DNM2: variants seen among roughly 807,000 people sequenced by gnomAD.
DNM2 encodes dynamin-2.
DNM2 carries 15 observed loss-of-function variants against 99.0 expected under a neutral mutation model. The ratio of observed to expected loss-of-function variants is 0.15; its 90% confidence interval spans 0.10 to 0.23. The LOEUF (loss-of-function observed/expected upper bound fraction) is 0.23. Ranked by LOEUF, DNM2 falls within the 10% of genes least tolerant of loss-of-function variation. The pLI is 1.00. For missense variants in DNM2, 742 were observed against 1,189.4 expected (o/e 0.62, Z 5.53); for synonymous variants, 525 against 481.2 (o/e 1.09, Z -1.19).
At chr19:10,728,905 C>T (rs1050894405) in intron 1 of DNM2, among the ~76,000 whole-genome samples, 2 of 151,468 alleles carry the variant, frequency 1.3e-5, no homozygotes, top group African/African-American at 2.4e-5. Flanking sequence ...TATGATTGCA[C>T]CACTGCGCTC....
At chr19:10,825,250 G>A in intron 18 of DNM2, 29 bp downstream of exon 18, 1 of 1,612,618 alleles carries the variant, frequency 6.2e-7, no homozygotes, top group African/African-American at 1.3e-5. Flanking sequence ...ATGAGAAGGA[G>A]GTAGCTGGGT....
chr19:10,720,713 G>A (rs1391459380), intron 1 of DNM2, among the ~76,000 whole-genome samples: 5 of 152,090 alleles, frequency 3.3e-5, no homozygotes, highest in Admixed American at 2.0e-4. Context: ...CTGGGTGACA[G>A]AACCAGATCC....
rs1198811984 is a variant in DNM2 at position 10,765,411 on chromosome 19, A to T, written c.235+5600A>T. Among the ~76,000 whole-genome samples, 1 of 152,068 alleles carries T rather than the reference A, an allele frequency of 6.6e-6. No individual in the cohort carries two copies. Among genetic ancestry groups the T allele is most frequent in the African/African-American group, 2.4e-5 (1 of 41,402 alleles). Reference sequence around the variant, plus strand: ...GCTGGTGCTGTGCCCCTTCTTGCCTACTGGGCGGGAAGTGATGGGGGTTAC... The same window carrying T: ...GCTGGTGCTGTGCCCCTTCTTGCCTTCTGGGCGGGAAGTGATGGGGGTTAC... On this transcript the variant is annotated intron_variant, in intron 2 of 20. Coordinates refer to ENST00000389253, the MANE Select transcript of DNM2 (RefSeq NM_001005361.3). This position sits in a 1 kb window ranked among gnomAD's most constrained non-coding sequence, Gnocchi z 4.4.
intron 19 of DNM2, 142 bp from the exon 20 acceptor site, chr19:10,829,985 C>G: frequency 1.6e-6 from 2 of 1,278,776 alleles, no homozygotes; most frequent in Non-Finnish European, 2.3e-6. Context: ...GGGACTGGCG[C>G]TCAGGTTGGG....
At chr19:10,801,632 C>T (rs958416794) in intron 11 of DNM2, among the ~76,000 whole-genome samples, 4 of 141,152 alleles carry the variant, frequency 2.8e-5, no homozygotes, top group African/African-American at 5.3e-5. Context: ...AAAAGCCAGG[C>T]GCAGTGGCTC....
At position 10,795,602 on chromosome 19, in the gene DNM2, C is replaced by A; in HGVS notation, c.1196+163C>A. On this transcript the variant is annotated intron_variant, in intron 9 of 20. Coordinates refer to ENST00000389253, the MANE Select transcript of DNM2 (RefSeq NM_001005361.3). The surrounding 1 kb of genome is among the most constrained non-coding windows in gnomAD (Gnocchi z 4.2). ...GCCCCTCCCTGAGGGTCTCCAAGGGCACATGAGGGTGGATGTGTCTTAGTC... is the reference window on the plus strand; with the variant it reads ...GCCCCTCCCTGAGGGTCTCCAAGGGAACATGAGGGTGGATGTGTCTTAGTC... 1.3e-6 allele frequency: 1 copy of A among 748,062 alleles called. No individual in the cohort carries two copies. The highest frequency in any genetic ancestry group is 2.3e-6 in the Non-Finnish European group (1 of 435,376). 46.3% of individuals were successfully genotyped at this position (748,062 alleles called of 1,614,324 possible).
chr19:10,776,930 A>G (rs2071175911), intron 4 of DNM2, among the ~76,000 whole-genome samples, 188 bp from the exon 5 acceptor site: 1 of 152,214 alleles, frequency 6.6e-6, no homozygotes, highest in Non-Finnish European at 1.5e-5. Flanking sequence ...CCACCCTGTG[A>G]GATCAGGGCT....
intron 2 of DNM2, 50 bp downstream of exon 2, chr19:10,759,861 G>T: frequency 2.5e-6 from 4 of 1,610,934 alleles, no homozygotes; most frequent in Non-Finnish European, 3.4e-6. Context: ...TGGATGTGTG[G>T]TTGCCAGGAG....
intron 13 of DNM2, among the ~76,000 whole-genome samples, chr19:10,807,684 G>A (rs1272052295): frequency 2.0e-5 from 3 of 146,590 alleles, no homozygotes; most frequent in Admixed American, 6.9e-5. Flanking sequence ...GAGTAGCGAC[G>A]ATTACAGGAG....
chr19:10,830,402 AC>A lies in DNM2; in HGVS notation c.2543+28del, dbSNP rs1015038118. 1.9e-6 allele frequency: 3 copies of A among 1,601,496 alleles called. No individual in the cohort carries two copies. Among genetic ancestry groups the A allele is most frequent in the Non-Finnish European group, 2.5e-6 (3 of 1,177,042 alleles). On this transcript the variant is annotated intron_variant, in intron 20 of 20. Coordinates refer to ENST00000389253, the MANE Select transcript of DNM2 (RefSeq NM_001005361.3). This position sits in a 1 kb window ranked among gnomAD's most constrained non-coding sequence, Gnocchi z 4.8. ...AGGTAAGGCCAACCCCCTGCCCTCC[AC>A]CCCAACTGCCTGCACCCTGGGGTCT...
chr19:10,799,218 C>A (rs2072044199), intron 11 of DNM2, among the ~76,000 whole-genome samples: 1 of 152,110 alleles, frequency 6.6e-6, no homozygotes, highest in Admixed American at 6.6e-5. Context: ...CAGAGCGAGA[C>A]CCCGTCTCTT....
chr19:10,805,852 C>T (rs779832670), intron 12 of DNM2, 64 bp from the exon 13 acceptor site: 17 of 1,609,680 alleles, frequency 1.1e-5, no homozygotes, highest in Non-Finnish European at 1.4e-5. Flanking sequence ...GCCACATTCG[C>T]CTCTTCCCCT....
rs372102058 is a variant in DNM2 at position 10,796,598 on chromosome 19, C to T, written c.1197-782C>T. Among the ~76,000 whole-genome samples, 4 of 152,296 alleles carry T rather than the reference C, an allele frequency of 2.6e-5. No homozygotes were observed. Among genetic ancestry groups the T allele is most frequent in the East Asian group, 1.9e-4 (1 of 5,182 alleles). ...CTGTCACCCCTTCTTGACCAATGCC[C>T]GGCATTCTCAGACTTCCCTGGAGCC... On this transcript the variant is annotated intron_variant, in intron 9 of 20. Transcript: ENST00000389253. This position sits in a 1 kb window ranked among gnomAD's most constrained non-coding sequence, Gnocchi z 5.6.
At chr19:10,721,698 T>C (rs1402131257) in intron 1 of DNM2, among the ~76,000 whole-genome samples, 1 of 152,128 alleles carries the variant, frequency 6.6e-6, no homozygotes, top group Non-Finnish European at 1.5e-5. Flanking sequence ...TGTGAGCCAT[T>C]GCGCCGAGCC....
chr19:10,768,121 G>A (rs2070858008), intron 2 of DNM2, among the ~76,000 whole-genome samples: 1 of 152,050 alleles, frequency 6.6e-6, no homozygotes, highest in Non-Finnish European at 1.5e-5. Context: ...GGAGGGGTTG[G>A]CCGACAGCAG....
Position 10,820,139 on chromosome 19 carries a change from T to G in DNM2, c.1781+50T>G, listed in dbSNP as rs1445565578. Reference sequence around the variant, plus strand: ...TGGCTCGGGGTGAAGACCAATGGCCTCATTCACACTCCACAACCTTCACTG... The same window carrying G: ...TGGCTCGGGGTGAAGACCAATGGCCGCATTCACACTCCACAACCTTCACTG... On this transcript the variant is annotated intron_variant, in intron 16 of 20. Coordinates refer to ENST00000389253, the MANE Select transcript of DNM2 (RefSeq NM_001005361.3). This position sits in a 1 kb window ranked among gnomAD's most constrained non-coding sequence, Gnocchi z 4.3. 6.5e-7 allele frequency: 1 copy of G among 1,547,048 alleles called. No homozygotes were observed. The highest frequency in any genetic ancestry group is 1.4e-5 in the African/African-American group (1 of 73,594).
At position 10,802,619 on chromosome 19, in the gene DNM2, A is replaced by G. The variant is rs1599583722; in HGVS notation, c.1493+261A>G. On this transcript the variant is annotated intron_variant, in intron 12 of 20. Transcript: ENST00000389253. ...AGGGCAGTGCTATGTTCAGATCTGC[A>G]GGGAGAGGGGGAAGCCAGCCAGCTG... 3.4e-5 allele frequency: 18 copies of G among 531,276 alleles called. No individual in the cohort carries two copies. In the East Asian group the frequency reaches 6.1e-4, roughly 18 times the overall value. The allele number at this position is 531,276 out of a possible 1,614,324, so 32.9% of individuals were successfully genotyped here. A position where few individuals can be genotyped will look rare whatever the true frequency, so the allele number is the denominator to read the frequency against.
intron 5 of DNM2, among the ~76,000 whole-genome samples, chr19:10,779,640 T>C (rs1403172052): frequency 6.6e-6 from 1 of 151,348 alleles, no homozygotes; most frequent in Non-Finnish European, 1.5e-5. Context: ...CCCAAGTATT[T>C]GGGATTACAG....
At chr19:10,769,677 C>T (rs563753009) in intron 2 of DNM2, among the ~76,000 whole-genome samples, 21 of 150,970 alleles carry the variant, frequency 1.4e-4, no homozygotes, top group African/African-American at 4.9e-4. Flanking sequence ...GAAGAGCGGC[C>T]GAGTGTTTCC....
Sources: allele counts gnomAD v4.1 joint callset (sites outside exome capture counted in the v4.1 genomes callset), GRCh38; gene constraint gnomAD v4.1.1; non-coding constraint Gnocchi (gnomAD v3.1); transcripts MANE v1.5; gene names NCBI Gene and HGNC (gene_info 2026-07-23, HGNC 2026-07-21).